The following EZR variants were observed in gnomAD, a reference collection of about 807,000 sequenced individuals.
The protein encoded by EZR is cytovillin 2.
In EZR, 40 loss-of-function variants were observed where a neutral mutation model predicts 74.8. That is an observed-to-expected ratio of 0.53 (90% CI 0.42 to 0.70). The LOEUF is 0.70. Among genes scored for constraint, EZR ranks in the 30% least tolerant of loss-of-function variants. EZR has a pLI of 0.00. For missense variants in EZR, 678 were observed against 755.8 expected (o/e 0.90, Z 1.21); for synonymous variants, 341 against 283.3 (o/e 1.20, Z -2.05).
In EZR at chr6:158,818,166, C is replaced by T; in HGVS notation, c.-73G>A. On this transcript the variant is annotated splice_region_variant and 5_prime_UTR_variant, in exon 2 of 14. Transcript: ENST00000367075. Reference sequence around the variant, plus strand: ...AGCAGCAGCGAAGACGCTGTCCCAACCTGGAGTCAGAGCAGAACCCTTAGA... The same window carrying T: ...AGCAGCAGCGAAGACGCTGTCCCAATCTGGAGTCAGAGCAGAACCCTTAGA... 2 of 1,577,030 alleles carry T rather than the reference C, an allele frequency of 1.3e-6. No individual in the cohort carries two copies. The highest frequency in any genetic ancestry group is 1.7e-6 in the Non-Finnish European group (2 of 1,151,172).
intron 8 of EZR, among the ~76,000 whole-genome samples, chr6:158,774,380 C>A (rs1341185461): frequency 6.6e-6 from 1 of 152,130 alleles, no homozygotes; most frequent in Non-Finnish European, 1.5e-5. Context: ...TTAATCACAG[C>A]TGTACTGTTA....
intron 8 of EZR, 84 bp from the exon 9 acceptor site, chr6:158,771,491 C>A: frequency 7.0e-7 from 1 of 1,432,216 alleles, no homozygotes; most frequent in Non-Finnish European, 9.4e-7. Flanking sequence ...AGGTCCAGAA[C>A]TTTTCTAAAA....
intron 7 of EZR, among the ~76,000 whole-genome samples, chr6:158,779,621 T>TGG (rs1791374300): frequency 6.6e-6 from 1 of 152,166 alleles, no homozygotes; most frequent in African/African-American, 2.4e-5. Flanking sequence ...TAGAGTGCAG[T>TGG]GGCACAATCT....
chr6:158,807,963 G>T (rs974694016), intron 2 of EZR, among the ~76,000 whole-genome samples: 1 of 152,188 alleles, frequency 6.6e-6, no homozygotes. Flanking sequence ...CCATTCACTG[G>T]ATGTGACTGT....
At chr6:158,796,958 CA>C (rs1777084896) in intron 2 of EZR, among the ~76,000 whole-genome samples, 2 of 152,262 alleles carry the variant, frequency 1.3e-5, no homozygotes, top group South Asian at 4.1e-4. Flanking sequence ...AAAAAGGTAC[CA>C]AGTTGACAAT....
At chr6:158,783,754 C>T (rs3123111) in intron 6 of EZR, 88 bp from the exon 7 acceptor site, 790,198 of 1,394,504 alleles carry the variant, frequency 0.57, 234,379 homozygotes, top group Non-Finnish European at 0.61. Context: ...TAAATTAAGG[C>T]GCCTTGTGTA....
In EZR at chr6:158,816,788, C is replaced by G. The variant is rs1948062; in HGVS notation, c.12+1294G>C. 4.3e-3 allele frequency among the ~76,000 whole-genome samples: 660 copies of G among 152,170 alleles called. 4 individuals are homozygous for G. Among genetic ancestry groups the G allele is most frequent in the African/African-American group, 0.015 (629 of 41,522 alleles). On this transcript the variant is annotated intron_variant, in intron 2 of 13. Transcript: ENST00000367075. ...AGATCTTAGAGAACATAAAATGTAA[C>G]AGAAGAAGCACACAAGGCCGGGTGT...
intron 11 of EZR, 49 bp downstream of exon 11, chr6:158,769,735 G>T (rs1436003034): frequency 1.1e-5 from 17 of 1,603,216 alleles, no homozygotes; most frequent in Admixed American, 3.3e-5. Flanking sequence ...TCCATCCTCA[G>T]AAGCAGCCTC....
chr6:158,775,925 T>C (rs1791264519), intron 8 of EZR, among the ~76,000 whole-genome samples: 1 of 152,234 alleles, frequency 6.6e-6, no homozygotes, highest in Admixed American at 6.5e-5. Context: ...TGTGTGAGGA[T>C]GCACACCTCT....
chr6:158,790,057 AAG>A lies in EZR; in HGVS notation c.13-688_13-687del, dbSNP rs138248576. ...AGGAAGTCAGAGAAGGGAAGAGAGA[AAG>A]AGCTTTGAATCAGAAGGTTTGAAGC... is the stretch of plus-strand genomic sequence containing the variant. On this transcript the variant is annotated intron_variant, in intron 2 of 13. Coordinates refer to ENST00000367075, the MANE Select transcript of EZR (RefSeq NM_001111077.2). 6.7e-3 allele frequency among the ~76,000 whole-genome samples: 1,014 copies of A among 152,370 alleles called. 11 individuals are homozygous for A. Among genetic ancestry groups the A allele is most frequent in the Middle Eastern group, 0.034 (10 of 294 alleles).
intron 2 of EZR, among the ~76,000 whole-genome samples, chr6:158,810,949 C>T (rs917807866): frequency 6.6e-6 from 1 of 152,100 alleles, no homozygotes; most frequent in African/African-American, 2.4e-5. Flanking sequence ...AAATGGCTTC[C>T]CCAAATACAG....
At chr6:158,816,884 T>C (rs1306428583) in intron 2 of EZR, among the ~76,000 whole-genome samples, 1 of 152,092 alleles carries the variant, frequency 6.6e-6, no homozygotes, top group Admixed American at 6.5e-5. Context: ...TCAGGAGTTT[T>C]AGACCAGCCT....
chr6:158,803,574 TATATATAC>T (rs1777248407), intron 2 of EZR, among the ~76,000 whole-genome samples: 4 of 10,926 alleles, frequency 3.7e-4, no homozygotes, highest in Non-Finnish European at 6.6e-4. Flanking sequence ...TATATATATA[TATATATAC>T]ATATATATAT....
intron 7 of EZR, among the ~76,000 whole-genome samples, chr6:158,776,772 G>C (rs974098766): frequency 6.6e-6 from 1 of 152,106 alleles, no homozygotes; most frequent in African/African-American, 2.4e-5. Context: ...TACCCAGGCT[G>C]GTGATCTCGA....
At chr6:158,784,548 C>T (rs1247384049) in intron 6 of EZR, 96 bp downstream of exon 6, 1 of 1,129,712 alleles carries the variant, frequency 8.9e-7, no homozygotes, top group African/African-American at 1.5e-5. Flanking sequence ...CAAGGCCTGA[C>T]ACAGAGCCCT....
chr6:158,790,122 G>A (rs1323235996), intron 2 of EZR, among the ~76,000 whole-genome samples: 1 of 152,180 alleles, frequency 6.6e-6, no homozygotes, highest in Non-Finnish European at 1.5e-5. Context: ...ATGGTGAAAT[G>A]TCCAAAGACA....
intron 8 of EZR, among the ~76,000 whole-genome samples, chr6:158,774,716 CACAA>C (rs1286177807): frequency 2.7e-5 from 4 of 150,262 alleles, no homozygotes; most frequent in Non-Finnish European, 4.4e-5. Context: ...CACACACACG[CACAA>C]ACATTCTGAA....
intron 4 of EZR, 99 bp from the exon 5 acceptor site, chr6:158,785,682 C>T (rs992643267): frequency 1.4e-6 from 2 of 1,438,486 alleles, no homozygotes; most frequent in Non-Finnish European, 1.9e-6. Flanking sequence ...GGCCCTCAAG[C>T]CAGTTTTCAG....
intron 2 of EZR, among the ~76,000 whole-genome samples, chr6:158,816,771 G>C (rs573669488): frequency 6.6e-6 from 1 of 152,238 alleles, no homozygotes; most frequent in African/African-American, 2.4e-5. Flanking sequence ...AAAGATCTTA[G>C]AGAACATAAA....
Sources: allele counts gnomAD v4.1 joint callset (sites outside exome capture counted in the v4.1 genomes callset), GRCh38; gene constraint gnomAD v4.1.1; transcripts MANE v1.5; gene names NCBI Gene and HGNC (gene_info 2026-07-23, HGNC 2026-07-21).